Variants in SLC5A5 observed in about 807,000 individuals in gnomAD.
SLC5A5 encodes the protein solute carrier family 5 member 5.
Under a neutral mutation model 68.6 loss-of-function variants are expected in SLC5A5, and 56 were observed. The ratio of observed to expected loss-of-function variants is 0.82; its 90% CI spans 0.66 to 1.02. SLC5A5 has a LOEUF of 1.02. SLC5A5 is among the 50% of genes least tolerant of loss of function. The pLI, the probability that SLC5A5 is intolerant of heterozygous loss-of-function variation, is 0.00. For synonymous variants in SLC5A5, 398 were observed against 373.0 expected (o/e 1.07, Z -0.77); for missense variants, 807 against 859.8 (o/e 0.94, Z 0.77).
intron 13 of SLC5A5, among the ~76,000 whole-genome samples, chr19:17,889,703 A>G (rs999322742): frequency 6.6e-6 from 1 of 152,154 alleles, no homozygotes; most frequent in African/African-American, 2.4e-5. Flanking sequence ...AGCTTGCCCT[A>G]TTTTGCAGAG....
At chr19:17,881,289 T>C (rs569707646) in intron 8 of SLC5A5, among the ~76,000 whole-genome samples, 1 of 151,560 alleles carries the variant, frequency 6.6e-6, no homozygotes, top group Non-Finnish European at 1.5e-5. Flanking sequence ...TTTTTCCGGA[T>C]GGAGTCTTGC....
chr19:17,889,805 G>A (rs920084682), intron 13 of SLC5A5, among the ~76,000 whole-genome samples: 2 of 152,168 alleles, frequency 1.3e-5, no homozygotes, highest in Non-Finnish European at 2.9e-5. Context: ...CGCTATCCCT[G>A]GTGCTGAAAT....
chr19:17,882,227 C>T lies in SLC5A5; in HGVS notation c.1242+8C>T, dbSNP rs572622896. 1.9e-6 allele frequency: 3 copies of T among 1,610,912 alleles called. No homozygotes were observed. The highest frequency in any genetic ancestry group is 3.3e-5 in the Admixed American group (2 of 60,000). ...GGAGGAGGTGTCCTTCAGGTGAGAC[C>T]CCACCTGCCCCCTGCCCTGGTCTCC... On this transcript the variant is annotated splice_region_variant and intron_variant, in intron 10 of 14. Coordinates refer to ENST00000222248, the MANE Select transcript of SLC5A5 (RefSeq NM_000453.3).
At chr19:17,884,155 T>C in intron 12 of SLC5A5, 109 bp downstream of exon 12, 1 of 1,021,718 alleles carries the variant, frequency 9.8e-7, no homozygotes, top group Middle Eastern at 2.9e-4. Flanking sequence ...GTAAAATGCA[T>C]TCCTGGGGGA....
chr19:17,883,522 A>AGG lies in SLC5A5; in HGVS notation c.1243-150_1243-149dup, dbSNP rs1555753687. Among the ~76,000 whole-genome samples the AGG allele has an allele frequency of 5.3e-3, 759 of 143,302 alleles. 7 individuals are homozygous for AGG. Among genetic ancestry groups the AGG allele is most frequent in the African/African-American group, 0.018 (687 of 38,576 alleles). The allele number at this position is 143,302 out of a possible 152,430, so 94.0% of individuals were successfully genotyped here. On this transcript the variant is annotated intron_variant, in intron 10 of 14. Coordinates refer to ENST00000222248, the MANE Select transcript of SLC5A5 (RefSeq NM_000453.3). ...AACCCAAGGGAGATAGGCAGGAACAAGGGGGGGGGGTCCTCTCCCCTTTAG... is the reference window on the plus strand; with the variant it reads ...AACCCAAGGGAGATAGGCAGGAACAAGGGGGGGGGGGGTCCTCTCCCCTTTAG...
chr19:17,888,553 G>T (rs1370738721), intron 13 of SLC5A5, 98 bp downstream of exon 13: 9 of 1,116,166 alleles, frequency 8.1e-6, no homozygotes, highest in Non-Finnish European at 1.2e-5. Context: ...GCTCCCATTG[G>T]CCAAACTGCC....
chr19:17,888,039 T>C (rs2029991312), intron 12 of SLC5A5, among the ~76,000 whole-genome samples: 1 of 152,076 alleles, frequency 6.6e-6, no homozygotes, highest in African/African-American at 2.4e-5. Flanking sequence ...TTTAATTTGG[T>C]TTGATTTTGA....
At chr19:17,888,189 A>C in intron 12 of SLC5A5, 142 bp from the exon 13 acceptor site, 2 of 990,968 alleles carry the variant, frequency 2.0e-6, no homozygotes, top group Non-Finnish European at 3.1e-6. Flanking sequence ...TGGCTACTGC[A>C]CAGATCTGGG....
intron 5 of SLC5A5, among the ~76,000 whole-genome samples, 193 bp downstream of exon 5, chr19:17,876,299 C>A (rs1189013233): frequency 2.0e-5 from 3 of 151,866 alleles, no homozygotes; most frequent in Admixed American, 2.0e-4. Context: ...CGTGGTGGTG[C>A]ACCTGTGGTC....
intron 5 of SLC5A5, among the ~76,000 whole-genome samples, chr19:17,876,426 C>CAGAAAAAAA (rs2094307435): frequency 1.1e-5 from 1 of 87,420 alleles, no homozygotes; most frequent in African/African-American, 4.2e-5. Flanking sequence ...GACCCTGTCT[C>CAGAAAAAAA]AAAAAAAAAA....
chr19:17,883,532 G>C, intron 10 of SLC5A5, 149 bp from the exon 11 acceptor site: 1 of 732,624 alleles, frequency 1.4e-6, no homozygotes, highest in East Asian at 2.5e-5. Context: ...AGGGGGGGGG[G>C]TCCTCTCCCC....
At position 17,893,764 on chromosome 19, in the gene SLC5A5, A is replaced by G. The variant is rs138312955; in HGVS notation, c.1819A>G (p.Thr607Ala). 29 of 1,613,726 alleles carry G rather than the reference A, an allele frequency of 1.8e-5. No individual in the cohort carries two copies. In the African/African-American group the frequency reaches 2.7e-4, roughly 15 times the overall value. The change falls in exon 15 of 15, where the codon ACC becomes GCC. Residue 607 changes from threonine to alanine, a missense_variant. Transcript: ENST00000222248. ...CAAGAAGCCCCCTGGCTTCCTGCCC[A>G]CCAATGAGGATCGTCTGTTTTTCTT... ...GNKKPPGFLPTNEDRLFFLGQ... is the reference protein window; with the variant it reads ...GNKKPPGFLPANEDRLFFLGQ...
In SLC5A5 at chr19:17,876,120, C is replaced by T. The variant is rs1464425600; in HGVS notation, c.698+14C>T. On this transcript the variant is annotated intron_variant, in intron 5 of 14. Coordinates refer to ENST00000222248, the MANE Select transcript of SLC5A5 (RefSeq NM_000453.3). ...CAACCTCATGGAGTGAGTGAAAATG[C>T]AGAGGATACTCCAGCAGGATGGGGC... The T allele has an allele frequency of 6.2e-7, 1 of 1,613,648 alleles. No homozygotes were observed. The highest frequency in any genetic ancestry group is 1.1e-5 in the South Asian group (1 of 91,076).
At chr19:17,883,819 T>G (rs978382465) in intron 11 of SLC5A5, 31 bp from the exon 12 acceptor site, 3 of 1,605,698 alleles carry the variant, frequency 1.9e-6, no homozygotes, top group East Asian at 4.5e-5. Context: ...GACAGGCCCC[T>G]CCCCTTCCCT....
chr19:17,882,160 G>A lies in SLC5A5; in HGVS notation c.1183G>A (p.Gly395Arg), dbSNP rs121909180. 1.2e-5 allele frequency: 19 copies of A among 1,613,944 alleles called. No homozygotes were observed. Among genetic ancestry groups the A allele is most frequent in the Non-Finnish European group, 1.5e-5 (18 of 1,180,010 alleles). ...IISKGLSLIY[G>R]SACLTVAALS... ...CTCATCCACTACAGCACTCATCTACGGATCGGCCTGTCTCACCGTGGCAGC... is the reference window on the plus strand; with the variant it reads ...CTCATCCACTACAGCACTCATCTACAGATCGGCCTGTCTCACCGTGGCAGC... The change falls in exon 10 of 15, where the codon GGA becomes AGA. Residue 395 changes from glycine to arginine, a missense_variant. Physicochemically the swap from Gly to Arg is moderately radical, Grantham distance 125. Transcript: ENST00000222248.
rs551209745 is a variant in SLC5A5 at position 17,881,316 on chromosome 19, G to T, written c.1058+363G>T. On this transcript the variant is annotated intron_variant, in intron 8 of 14. Transcript: ENST00000222248. ...GAGTCTTGCTCTGTCACCCAGGCTG[G>T]AGTGCAGTGGTGCCATCTCGGCTCA... is the stretch of plus-strand genomic sequence containing the variant. Among the ~76,000 whole-genome samples the T allele has an allele frequency of 2.9e-4, 44 of 151,920 alleles. 1 individual carries two copies. Among genetic ancestry groups the T allele is most frequent in the African/African-American group, 9.2e-4 (38 of 41,438 alleles).
rs114407441 is a variant in SLC5A5, at chr19:17,881,178, G to A, written c.1058+225G>A. Reference sequence around the variant, plus strand: ...CCTTCTTATCACCTGTCAGGGCCACGCCTGACTCTCCTCTCTTCTTCTTCC... The same window carrying A: ...CCTTCTTATCACCTGTCAGGGCCACACCTGACTCTCCTCTCTTCTTCTTCC... On this transcript the variant is annotated intron_variant, in intron 8 of 14. Transcript: ENST00000222248. 6.0e-3 allele frequency among the ~76,000 whole-genome samples: 914 copies of A among 152,208 alleles called. 12 individuals carry two copies. The highest frequency in any genetic ancestry group is 0.021 in the African/African-American group (875 of 41,536).
intron 14 of SLC5A5, among the ~76,000 whole-genome samples, chr19:17,891,298 C>T (rs191321924): frequency 9.2e-5 from 14 of 152,174 alleles, no homozygotes; most frequent in East Asian, 1.9e-4. Context: ...CTCCACATCC[C>T]GAGTTCAAGC....
chr19:17,879,900 C>T (rs2094316604), intron 7 of SLC5A5, among the ~76,000 whole-genome samples: 1 of 146,946 alleles, frequency 6.8e-6, no homozygotes, highest in South Asian at 2.1e-4. Flanking sequence ...CCCATCTTTA[C>T]ACAATTTTTT....
Sources: allele counts gnomAD v4.1 joint callset (sites outside exome capture counted in the v4.1 genomes callset), GRCh38; gene constraint gnomAD v4.1.1; transcripts MANE v1.5; gene names NCBI Gene and HGNC (gene_info 2026-07-23, HGNC 2026-07-21).